The following NLGN1 variants were observed in gnomAD, a reference collection of about 807,000 sequenced individuals.
The protein encoded by NLGN1 is neuroligin-1.
Under a neutral mutation model 65.5 loss-of-function variants are expected in NLGN1, and 12 were observed. That is an observed-to-expected ratio of 0.18 (90% confidence interval 0.12 to 0.30). NLGN1 has a LOEUF of 0.30. NLGN1 is among the 10% of genes least tolerant of loss of function. The pLI, the probability that NLGN1 is intolerant of heterozygous loss-of-function variation, is 1.00. For synonymous variants in NLGN1, 350 were observed against 359.5 expected, an observed-to-expected ratio of 0.97 and a Z score of 0.30; for missense variants, 750 against 1,007.1, an observed-to-expected ratio of 0.74 and a Z score of 3.46.
chr3:173,589,330 T>C (rs1350459539), intron 2 of NLGN1, among the ~76,000 whole-genome samples: 3 of 152,206 alleles, frequency 2.0e-5, no homozygotes, highest in Non-Finnish European at 2.9e-5. Context: ...TTTCTAATGC[T>C]ACATATGCCT....
intron 4 of NLGN1, among the ~76,000 whole-genome samples, chr3:173,885,352 T>A (rs935539402): frequency 3.3e-5 from 5 of 152,114 alleles, no homozygotes; most frequent in African/African-American, 1.2e-4. Flanking sequence ...CTTATATAAT[T>A]GAAACTCAAA....
intron 4 of NLGN1, among the ~76,000 whole-genome samples, chr3:174,100,074 T>C (rs1254051081): frequency 1.3e-5 from 2 of 152,132 alleles, no homozygotes; most frequent in Admixed American, 6.6e-5. Context: ...ATGAATTAAA[T>C]ATGGGGTTTT....
chr3:173,449,238 G>C (rs1035118392), intron 2 of NLGN1, among the ~76,000 whole-genome samples: 1 of 151,928 alleles, frequency 6.6e-6, no homozygotes, highest in African/African-American at 2.4e-5. Flanking sequence ...CTTTGAATGC[G>C]TCCCAGAGAT....
intron 3 of NLGN1, among the ~76,000 whole-genome samples, chr3:173,739,582 G>C (rs1383468460): frequency 6.6e-6 from 1 of 151,954 alleles, no homozygotes; most frequent in Non-Finnish European, 1.5e-5. Flanking sequence ...TCCTGGAAAA[G>C]GTACTTCTGA....
Position 173,848,970 on chromosome 3 carries a change from A to G in NLGN1, c.646+41138A>G, listed in dbSNP as rs185665365. ...TAGACATAAGGTATGTAGAGGGTGA[A>G]GGGTTGCATATGAGCTGAGAAACCA... On this transcript the variant is annotated intron_variant, in intron 4 of 6. Coordinates refer to ENST00000457714, the Ensembl canonical transcript of NLGN1. 2.2e-4 allele frequency among the ~76,000 whole-genome samples: 33 copies of G among 152,270 alleles called. No individual in the cohort carries two copies. The East Asian group carries it at 6.2e-3, about 29-fold the overall frequency.
chr3:174,130,267 G>A (rs1313611787), intron 4 of NLGN1, among the ~76,000 whole-genome samples: 6 of 152,068 alleles, frequency 3.9e-5, no homozygotes, highest in Non-Finnish European at 7.4e-5. Flanking sequence ...CCAGCTACTC[G>A]GGAGGCTGAG....
chr3:173,779,692 G>T, intron 3 of NLGN1, among the ~76,000 whole-genome samples: 1 of 152,022 alleles, frequency 6.6e-6, no homozygotes, highest in East Asian at 1.9e-4. Flanking sequence ...TGGAACATAG[G>T]CTAAACCTAG....
At chr3:174,018,821 T>C (rs767366625) in intron 4 of NLGN1, among the ~76,000 whole-genome samples, 1 of 152,146 alleles carries the variant, frequency 6.6e-6, no homozygotes, top group Non-Finnish European at 1.5e-5. Context: ...AATACTTCTG[T>C]GCATAATTTA....
chr3:174,293,741 G>A, the NLGN1 span, among the ~76,000 whole-genome samples: 1 of 151,556 alleles, frequency 6.6e-6, no homozygotes, highest in Non-Finnish European at 1.5e-5. Context: ...CTAGAGAACA[G>A]CTCAGAGTGT....
At chr3:174,269,539 T>G (rs1287068417) in intron 4 of NLGN1, among the ~76,000 whole-genome samples, 1 of 152,036 alleles carries the variant, frequency 6.6e-6, no homozygotes, top group African/African-American at 2.4e-5. Context: ...AGCTACACAA[T>G]ATTCCATCAT....
chr3:173,895,249 A>T (rs977098021), intron 4 of NLGN1, among the ~76,000 whole-genome samples: 1 of 152,152 alleles, frequency 6.6e-6, no homozygotes, highest in Non-Finnish European at 1.5e-5. Context: ...GACTTGATCC[A>T]TCTGAGTACC....
At chr3:173,921,314 TTATA>T (rs1472733638) in intron 4 of NLGN1, among the ~76,000 whole-genome samples, 1 of 147,938 alleles carries the variant, frequency 6.8e-6, no homozygotes, top group African/African-American at 2.5e-5. Context: ...CTACTATATA[TTATA>T]TATAGTGGAA....
chr3:173,963,936 G>T (rs915723727), intron 4 of NLGN1, among the ~76,000 whole-genome samples: 1 of 151,958 alleles, frequency 6.6e-6, no homozygotes, highest in African/African-American at 2.4e-5. Flanking sequence ...AGATTAAGAG[G>T]TCGGTAGCTA....
chr3:173,649,743 T>C (rs1261897886), intron 3 of NLGN1, among the ~76,000 whole-genome samples: 1 of 152,116 alleles, frequency 6.6e-6, no homozygotes, highest in Non-Finnish European at 1.5e-5. Context: ...ATACTATTAC[T>C]AAAAGAATAT....
intron 4 of NLGN1, among the ~76,000 whole-genome samples, chr3:173,819,201 C>T (rs1719666873): frequency 6.6e-6 from 1 of 152,000 alleles, no homozygotes; most frequent in Admixed American, 6.6e-5. Flanking sequence ...TCTTTCTATT[C>T]CCATTGCTAC....
intron 4 of NLGN1, among the ~76,000 whole-genome samples, chr3:173,965,181 C>T (rs1714552649): frequency 6.6e-6 from 1 of 152,006 alleles, no homozygotes; most frequent in South Asian, 2.1e-4. Flanking sequence ...TCTAAATAAT[C>T]CTACAGAGTA....
chr3:174,192,230 TAGAGA>T (rs1310434098), intron 4 of NLGN1, among the ~76,000 whole-genome samples: 1 of 152,156 alleles, frequency 6.6e-6, no homozygotes, highest in African/African-American at 2.4e-5. Flanking sequence ...TGAAACACAT[TAGAGA>T]AATTTTAACT....
intron 3 of NLGN1, among the ~76,000 whole-genome samples, chr3:173,725,522 C>A (rs1771618498): frequency 1.3e-5 from 2 of 152,106 alleles, no homozygotes; most frequent in Non-Finnish European, 2.9e-5. Flanking sequence ...CCCTTCCCCC[C>A]AAAATATTAC....
chr3:173,828,847 C>A (rs187915526), intron 4 of NLGN1, among the ~76,000 whole-genome samples: 37 of 152,070 alleles, frequency 2.4e-4, no homozygotes, highest in Middle Eastern at 3.4e-3. Context: ...GAAACTTGGC[C>A]TGTAAATGAG....
Sources: gnomAD v4.1 joint callset for allele counts (sites outside exome capture counted in the v4.1 genomes callset) on GRCh38, gnomAD v4.1.1 for gene constraint, MANE v1.5 for transcripts, NCBI Gene and HGNC (gene_info 2026-07-23, HGNC 2026-07-21) for gene names.